The following GPHN variants were observed in gnomAD, a reference collection of about 807,000 sequenced individuals.
GPHN encodes the protein gephyrin.
A neutral mutation model predicts 95.5 loss-of-function variants in GPHN; 17 were observed. The ratio of observed to expected loss-of-function variants is 0.18; its 90% CI spans 0.12 to 0.27. The LOEUF is 0.27. Ranked by LOEUF, GPHN falls within the 10% of genes least tolerant of loss-of-function variation. The pLI, the probability that GPHN is intolerant of heterozygous loss-of-function variation, is 1.00. For synonymous variants in GPHN, 320 were observed against 322.5 expected (o/e 0.99, Z 0.08); for missense variants, 660 against 978.1 (o/e 0.67, Z 4.34).
chr14:66,509,200 G>C (rs945115475), intron 1 of GPHN: 1 of 154,298 alleles, frequency 6.5e-6, no homozygotes, highest in East Asian at 1.9e-4. Context: ...GGATCGGCTT[G>C]CGTCCGGACC....
chr14:67,270,313 T>C, the GPHN span: 1 of 152,194 alleles, frequency 6.6e-6, no homozygotes, highest in Admixed American at 6.5e-5. Flanking sequence ...AGCCTGAAAA[T>C]TTTTCTTGCT....
intron 11 of GPHN, among the ~76,000 whole-genome samples, chr14:67,081,893 A>G (rs1208861199): frequency 1.5e-4 from 23 of 152,136 alleles, no homozygotes; most frequent in Admixed American, 1.5e-3. Flanking sequence ...TGCTTTGTCA[A>G]CGATCAGTTG....
chr14:67,729,113 G>A, the GPHN span: 2 of 1,423,582 alleles, frequency 1.4e-6, no homozygotes, highest in South Asian at 2.3e-5. Flanking sequence ...TCTCACTTGT[G>A]TATTTTGCTG....
the GPHN span, among the ~76,000 whole-genome samples, chr14:67,607,500 A>G: frequency 9.2e-5 from 14 of 152,110 alleles, no homozygotes; most frequent in African/African-American, 3.4e-4. Context: ...CCAAGGAGCT[A>G]GGACTACAGA....
intron 16 of GPHN, among the ~76,000 whole-genome samples, chr14:67,118,328 G>C (rs1035038590): frequency 6.6e-6 from 1 of 152,114 alleles, no homozygotes; most frequent in Non-Finnish European, 1.5e-5. Context: ...GCAATTTGTG[G>C]GAAGGCAAAT....
the GPHN span, among the ~76,000 whole-genome samples, chr14:67,273,090 A>G: frequency 3.4e-4 from 51 of 148,508 alleles, no homozygotes; most frequent in African/African-American, 1.2e-3. Flanking sequence ...TCAGCCCTCT[A>G]TGCTTCAGTA....
the GPHN span, chr14:67,647,350 G>GT: frequency 1.4e-5 from 3 of 218,366 alleles, no homozygotes; most frequent in Non-Finnish European, 2.7e-5. Flanking sequence ...TTTCATCTGA[G>GT]TTTTATATTA....
the GPHN span, chr14:67,376,632 A>G: frequency 3.1e-6 from 5 of 1,591,706 alleles, no homozygotes; most frequent in African/African-American, 6.7e-5. Context: ...TTGATATCAC[A>G]ACTCTTGGCC....
At chr14:66,947,793 A>C (rs1393373202) in intron 8 of GPHN, among the ~76,000 whole-genome samples, 1 of 152,056 alleles carries the variant, frequency 6.6e-6, no homozygotes, top group Non-Finnish European at 1.5e-5. Flanking sequence ...CCCTGTCTCT[A>C]CAAAAAGTAA....
intron 2 of GPHN, among the ~76,000 whole-genome samples, chr14:66,689,709 G>A (rs1328568092): frequency 1.3e-5 from 2 of 152,114 alleles, no homozygotes; most frequent in Admixed American, 1.3e-4. Flanking sequence ...ATTTAGTCAC[G>A]TTAATTTTCA....
At chr14:66,949,993 G>GAAAAAAAAAAAAAAA (rs71129809) in intron 8 of GPHN, among the ~76,000 whole-genome samples, 2 of 57,818 alleles carry the variant, frequency 3.5e-5, no homozygotes, top group African/African-American at 5.0e-5. Flanking sequence ...TTTAGGACAG[G>GAAAAAAAAAAAAAAA]AAAAAAAAAA....
chr14:66,584,716 C>G (rs979222118), intron 1 of GPHN, among the ~76,000 whole-genome samples: 2 of 152,112 alleles, frequency 1.3e-5, no homozygotes, highest in Non-Finnish European at 2.9e-5. Context: ...GTTGAGCCAG[C>G]CTTGCATCCC....
At chr14:67,168,159 G>T (rs1422167044) in intron 20 of GPHN, among the ~76,000 whole-genome samples, 2 of 152,184 alleles carry the variant, frequency 1.3e-5, no homozygotes, top group Non-Finnish European at 2.9e-5. Context: ...GTTGGCTTCT[G>T]GTGAGGCCTC....
chr14:67,519,981 C>A, the GPHN span, among the ~76,000 whole-genome samples: 5 of 152,172 alleles, frequency 3.3e-5, no homozygotes, highest in African/African-American at 1.2e-4. Context: ...CCTCGGCCCC[C>A]CAAAGTGCTG....
the GPHN span, chr14:67,571,944 G>A: frequency 7.0e-6 from 11 of 1,566,580 alleles, no homozygotes; most frequent in South Asian, 1.0e-4. Context: ...GCAGCAAGGA[G>A]CCCCTCACCT....
chr14:67,191,616 G>A, the GPHN span, among the ~76,000 whole-genome samples: 2 of 152,176 alleles, frequency 1.3e-5, no homozygotes, highest in Non-Finnish European at 2.9e-5. Flanking sequence ...ACCACAGGGT[G>A]AACAATCCCA....
chr14:66,796,572 A>T (rs1215712000), intron 3 of GPHN, among the ~76,000 whole-genome samples: 1 of 151,936 alleles, frequency 6.6e-6, no homozygotes, highest in Non-Finnish European at 1.5e-5. Context: ...ATCATATTAT[A>T]GTTTTGATTT....
At chr14:66,936,374 T>C (rs1344395772) in intron 8 of GPHN, among the ~76,000 whole-genome samples, 1 of 149,862 alleles carries the variant, frequency 6.7e-6, no homozygotes, top group Admixed American at 6.6e-5. Flanking sequence ...AAACTCCATC[T>C]CAAAAAAAAA....
chr14:67,080,116 G>A (rs1030432121), intron 11 of GPHN, among the ~76,000 whole-genome samples: 2 of 152,170 alleles, frequency 1.3e-5, no homozygotes, highest in South Asian at 4.1e-4. Context: ...ATCCTAATAA[G>A]TAAGGTGATG....
Sources: gnomAD v4.1 joint callset for allele counts (sites outside exome capture counted in the v4.1 genomes callset) on GRCh38, gnomAD v4.1.1 for gene constraint, MANE v1.5 for transcripts, NCBI Gene and HGNC (gene_info 2026-07-23, HGNC 2026-07-21) for gene names.